Variants in NOMO2 observed in about 807,000 individuals in gnomAD.
NOMO2 encodes BOS complex subunit NOMO2.
NOMO2 carries 14 observed loss-of-function variants against 67.1 expected under a neutral mutation model. The observed-to-expected ratio is 0.21, with a 90% CI of 0.14 to 0.33. The LOEUF (loss-of-function observed/expected upper bound fraction) is 0.33, where lower values mean the gene tolerates loss of function less well. NOMO2 is among the 10% of genes least tolerant of loss of function. The probability of loss-of-function intolerance (pLI) is 1.00; values close to 1 mark genes in which losing one functional copy is unlikely to be tolerated. For synonymous variants in NOMO2, 80 were observed against 305.9 expected (o/e 0.26, Z 7.71); for missense variants, 178 against 761.0 (o/e 0.23, Z 9.01).
At chr16:18,539,638 T>G (rs1223194899) in intron 9 of NOMO2, among the ~76,000 whole-genome samples, 1 of 151,788 alleles carries the variant, frequency 6.6e-6, no homozygotes, top group Non-Finnish European at 1.5e-5. Context: ...GCGCCTGTAA[T>G]CCCAGCTACT....
chr16:18,551,250 T>C (rs1373653853), intron 4 of NOMO2, among the ~76,000 whole-genome samples, 189 bp downstream of exon 4: 1 of 151,974 alleles, frequency 6.6e-6, no homozygotes, highest in African/African-American at 2.4e-5. Flanking sequence ...AACCTCAATC[T>C]CACTCCTAAA....
At chr16:18,533,878 C>A (rs987536203) in intron 11 of NOMO2, 1 of 151,556 alleles carries the variant, frequency 6.6e-6, no homozygotes, top group Admixed American at 6.6e-5. Context: ...AGAGGCCCCC[C>A]TACAACGACC....
In NOMO2 at chr16:18,543,686, A is replaced by C; in HGVS notation, c.666T>G (p.Ser222=). 8 of 1,611,350 alleles carry C rather than the reference A, an allele frequency of 5.0e-6. No individual in the cohort carries two copies. Among genetic ancestry groups the C allele is most frequent in the Non-Finnish European group, 6.8e-6 (8 of 1,179,564 alleles). The change falls in exon 7 of 31, where the codon TCT becomes TCG. Residue 222 remains serine (S), a synonymous_variant. Coordinates refer to ENST00000622306, the MANE Select transcript of NOMO2 (RefSeq NM_173614.4). ...LIVAGYNVSG[S]VRSDGEPMKG... ...TCATGGGCTCCCCATCACTTCGGAC[A>C]GAGCCAGACACATTGTAGCCAGCAA...
intron 15 of NOMO2, 38 bp downstream of exon 15, chr16:18,529,463 C>T (rs771330414): frequency 3.8e-5 from 61 of 1,611,376 alleles, no homozygotes; most frequent in Middle Eastern, 2.2e-4. Flanking sequence ...ACAAGGCGAG[C>T]GCTTTTCCAA....
At chr16:18,560,767 T>C (rs1902020186) in intron 1 of NOMO2, among the ~76,000 whole-genome samples, 2 of 151,796 alleles carry the variant, frequency 1.3e-5, no homozygotes, top group African/African-American at 4.8e-5. Flanking sequence ...GCAGAGCTGA[T>C]GGGGTGTGGA....
rs1251167718 is a variant in NOMO2 at position 18,546,393 on chromosome 16, C to T, written c.582+835G>A. On this transcript the variant is annotated intron_variant, in intron 6 of 30. Coordinates refer to ENST00000622306, the MANE Select transcript of NOMO2 (RefSeq NM_173614.4). ...GGTGGATCATTTGAGGCTAGGAGTT[C>T]GAGACCAGCCTGGCCAACATGGCAA... 8.2e-5 allele frequency among the ~76,000 whole-genome samples: 4 copies of T among 48,498 alleles called. 2 individuals are homozygous for T. Among genetic ancestry groups the T allele is most frequent in the Non-Finnish European group, 8.4e-5 (2 of 23,866 alleles). 31.8% of individuals were successfully genotyped at this position (48,498 alleles called of 152,430 possible).
chr16:18,545,587 A>C (rs1337567070), intron 6 of NOMO2, among the ~76,000 whole-genome samples: 726 of 133,254 alleles, frequency 5.4e-3, no homozygotes, highest in African/African-American at 0.019. Flanking sequence ...TTCTTTAGCA[A>C]AAATGAGATA....
At chr16:18,555,900 C>T (rs1274223808) in intron 2 of NOMO2, among the ~76,000 whole-genome samples, 1 of 82,580 alleles carries the variant, frequency 1.2e-5, no homozygotes, top group East Asian at 2.7e-4. Flanking sequence ...TGAGCTACCA[C>T]GTCCAGCCTC....
rs371507801 is a variant in NOMO2, at chr16:18,553,798, G to T, written c.301+1009C>A. Among the ~76,000 whole-genome samples, 320 of 132,182 alleles carry T rather than the reference G, an allele frequency of 2.4e-3. 1 individual carries two copies. In the East Asian group the frequency reaches 0.052, roughly 21 times the overall value. 86.7% of individuals were successfully genotyped at this position (132,182 alleles called of 152,430 possible). A position where few individuals can be genotyped will look rare whatever the true frequency, so the allele number is the denominator to read the frequency against. Reference sequence around the variant, plus strand: ...CTCTCCAGCTTTCTGGAACGTACCAGCCAGGCACCCCCCACCCTACCCCTG... The same window carrying T: ...CTCTCCAGCTTTCTGGAACGTACCATCCAGGCACCCCCCACCCTACCCCTG... On this transcript the variant is annotated intron_variant, in intron 3 of 30. Transcript: ENST00000622306.
intron 9 of NOMO2, among the ~76,000 whole-genome samples, chr16:18,540,323 T>G (rs1219028818): frequency 2.0e-5 from 3 of 151,414 alleles, no homozygotes; most frequent in Admixed American, 6.6e-5. Context: ...AATTCACATA[T>G]GTACTCAACA....
At chr16:18,532,903 G>A in intron 12 of NOMO2, 102 bp downstream of exon 12, 2 of 1,453,838 alleles carry the variant, frequency 1.4e-6, no homozygotes, top group South Asian at 1.4e-5. Flanking sequence ...CAAGAAGTTG[G>A]AAACTGGAAT....
chr16:18,536,829 G>A (rs560978719), intron 11 of NOMO2, among the ~76,000 whole-genome samples: 629 of 152,144 alleles, frequency 4.1e-3, no homozygotes, highest in African/African-American at 0.014. Flanking sequence ...CTTTCTGAGG[G>A]TAATTTGCTT....
chr16:18,560,517 A>C (rs1378821649), intron 1 of NOMO2, among the ~76,000 whole-genome samples: 3 of 151,546 alleles, frequency 2.0e-5, no homozygotes, highest in South Asian at 4.2e-4. Context: ...CAGACCTAGG[A>C]GGTGGCATGG....
chr16:18,539,997 TTC>T (rs1901512771), intron 9 of NOMO2, among the ~76,000 whole-genome samples: 1 of 151,442 alleles, frequency 6.6e-6, no homozygotes, highest in Admixed American at 6.6e-5. Flanking sequence ...CTCGTTCGAT[TTC>T]TTAGTTGTCT....
chr16:18,533,165 C>T lies in NOMO2; in HGVS notation c.1235G>A (p.Gly412Asp), dbSNP rs1253145332. The T allele has an allele frequency of 3.1e-6, 5 of 1,611,440 alleles. No homozygotes were observed. Among genetic ancestry groups the T allele is most frequent in the South Asian group, 2.2e-5 (2 of 90,920 alleles). Residue 412 changes from glycine to aspartate, a missense_variant, in exon 12 of 31, where the codon GGT becomes GAT. Physicochemically the swap from Gly to Asp is moderately conservative, Grantham distance 94 (BLOSUM62 -1). Transcript: ENST00000622306. Reference protein sequence around the residue: ...DIVATGFSVCGRISIIRFPDT... With the variant: ...DIVATGFSVCDRISIIRFPDT... ...CGGGAAGCGAATGATTGATATCCGA[C>T]CACAGACACTGAACCTGCAAAGAGA...
chr16:18,538,705 A>G (rs1349396246), intron 10 of NOMO2, 29 bp from the exon 11 acceptor site: 1 of 1,613,706 alleles, frequency 6.2e-7, no homozygotes, highest in South Asian at 1.1e-5. Context: ...CAAACAGAAG[A>G]TAAGCCAAAA....
At chr16:18,539,073 C>A in intron 9 of NOMO2, 109 bp from the exon 10 acceptor site, 1 of 698,656 alleles carries the variant, frequency 1.4e-6, no homozygotes, top group East Asian at 2.7e-5. Context: ...CTCCTGCCGC[C>A]CACCTCCCAA....
intron 3 of NOMO2, among the ~76,000 whole-genome samples, chr16:18,553,947 G>A: frequency 1.4e-5 from 2 of 145,626 alleles, no homozygotes; most frequent in African/African-American, 5.0e-5. Flanking sequence ...GAGCAAGCCT[G>A]ATATCAACAA....
At chr16:18,550,301 GGAGGTTGTGGTGAGA>G (rs1196757822) in intron 4 of NOMO2, among the ~76,000 whole-genome samples, 1 of 144,616 alleles carries the variant, frequency 6.9e-6, no homozygotes, top group Non-Finnish European at 1.5e-5. Flanking sequence ...CCCAGGAGGT[GGAGGTTGTGGTGAGA>G]GAGACTGCGC....
Sources: allele counts gnomAD v4.1 joint callset (sites outside exome capture counted in the v4.1 genomes callset), GRCh38; gene constraint gnomAD v4.1.1; transcripts MANE v1.5; gene names NCBI Gene and HGNC (gene_info 2026-07-23, HGNC 2026-07-21).